Variants in ADAM23 observed in about 807,000 individuals in gnomAD.
ADAM23 encodes ADAM metallopeptidase domain 23.
Under a neutral mutation model 120.1 loss-of-function variants are expected in ADAM23, and 33 were observed. The observed-to-expected ratio is 0.27, with a 90% CI of 0.21 to 0.37. The LOEUF is 0.37. Among genes scored for constraint, ADAM23 ranks in the 10% least tolerant of loss-of-function variants. ADAM23 has a pLI of 1.00. For missense variants in ADAM23, 862 were observed against 1,058.2 expected (o/e 0.81, Z 2.57); for synonymous variants, 367 against 375.2 (o/e 0.98, Z 0.25).
chr2:206,575,440 G>T (rs1328405888), intron 18 of ADAM23, among the ~76,000 whole-genome samples: 2 of 152,132 alleles, frequency 1.3e-5, no homozygotes, highest in African/African-American at 4.8e-5. Flanking sequence ...TGGGTATTTA[G>T]ATTTTGGCAG....
rs1697904325 is a variant in ADAM23, at chr2:206,567,269, A to G, written c.1441A>G (p.Arg481Gly). 8 of 1,614,046 alleles carry G rather than the reference A, an allele frequency of 5.0e-6. No homozygotes were observed. Among genetic ancestry groups the G allele is most frequent in the Non-Finnish European group, 5.9e-6 (7 of 1,179,934 alleles). Residue 481 changes from arginine to glycine, a missense_variant, in exon 15 of 26, where the codon AGA (arginine) becomes GGA (glycine). This residue lies in a region of ADAM23 where 617 missense variants were observed against 813.5 expected (regional missense o/e 0.76). Transcript: ENST00000264377. ...TTCAAAGTGCAGCATTTTGGAGTAT[A>G]GAGACTTTTTACAGAGAGGAGGTGG... ...KFSKCSILEY[R>G]DFLQRGGGAC...
At chr2:206,569,713 A>C (rs1204059318) in intron 15 of ADAM23, among the ~76,000 whole-genome samples, 2 of 152,182 alleles carry the variant, frequency 1.3e-5, no homozygotes. Context: ...GAGATGTGCA[A>C]TGCTGATTTT....
chr2:206,562,980 G>A (rs1008712846), intron 13 of ADAM23, among the ~76,000 whole-genome samples: 1 of 152,130 alleles, frequency 6.6e-6, no homozygotes, highest in Non-Finnish European at 1.5e-5. Flanking sequence ...GTGGGCAAAG[G>A]GTCTAGGGCT....
intron 21 of ADAM23, 85 bp from the exon 22 acceptor site, chr2:206,592,532 T>A: frequency 6.8e-7 from 1 of 1,477,800 alleles, no homozygotes; most frequent in Non-Finnish European, 9.2e-7. Flanking sequence ...TTTTAAAAAT[T>A]TGAATCAATG....
intron 22 of ADAM23, among the ~76,000 whole-genome samples, chr2:206,594,094 A>G (rs751712950): frequency 7.2e-5 from 11 of 151,978 alleles, no homozygotes; most frequent in Non-Finnish European, 1.2e-4. Flanking sequence ...GCAATAGACT[A>G]GACCATCTAG....
At chr2:206,471,619 A>C (rs1174701400) in intron 2 of ADAM23, among the ~76,000 whole-genome samples, 1 of 152,116 alleles carries the variant, frequency 6.6e-6, no homozygotes, top group Non-Finnish European at 1.5e-5. Context: ...CTTTTATTTA[A>C]ATTATTTAGT....
intron 6 of ADAM23, 83 bp from the exon 7 acceptor site, chr2:206,547,346 A>T: frequency 1.9e-6 from 2 of 1,073,508 alleles, no homozygotes; most frequent in Non-Finnish European, 2.7e-6. Context: ...TTTAGGAAGG[A>T]CATTAGAGAA....
intron 3 of ADAM23, among the ~76,000 whole-genome samples, chr2:206,514,595 A>G (rs919028492): frequency 3.3e-5 from 5 of 152,342 alleles, no homozygotes; most frequent in South Asian, 4.1e-4. Flanking sequence ...AGAATATTAC[A>G]TAAACTTGGT....
At chr2:206,543,177 A>G (rs1697328571) in intron 5 of ADAM23, 76 bp from the exon 6 acceptor site, 3 of 1,264,274 alleles carry the variant, frequency 2.4e-6, no homozygotes, top group African/African-American at 1.5e-5. Flanking sequence ...AGACACAATA[A>G]TGAAGCTCAC....
chr2:206,458,808 C>A (rs973793668), intron 2 of ADAM23, among the ~76,000 whole-genome samples: 2 of 152,160 alleles, frequency 1.3e-5, no homozygotes, highest in Non-Finnish European at 2.9e-5. Context: ...CGAAACCAAA[C>A]CTAAGAAATA....
At chr2:206,487,161 A>G (rs1696031109) in intron 3 of ADAM23, among the ~76,000 whole-genome samples, 1 of 152,114 alleles carries the variant, frequency 6.6e-6, no homozygotes, top group Non-Finnish European at 1.5e-5. Flanking sequence ...GTTGACAATG[A>G]ATTATTATTA....
intron 2 of ADAM23, among the ~76,000 whole-genome samples, chr2:206,459,409 G>A (rs1360375021): frequency 1.3e-5 from 2 of 151,986 alleles, no homozygotes; most frequent in Admixed American, 1.3e-4. Flanking sequence ...TGCATTTTAG[G>A]ATTGTTACCC....
At chr2:206,476,641 A>G (rs960079874) in intron 2 of ADAM23, among the ~76,000 whole-genome samples, 1 of 152,160 alleles carries the variant, frequency 6.6e-6, no homozygotes, top group Non-Finnish European at 1.5e-5. Flanking sequence ...CCATCCGTGG[A>G]AAAATTATCT....
intron 10 of ADAM23, 91 bp downstream of exon 10, chr2:206,557,589 AT>A: frequency 8.3e-7 from 1 of 1,202,722 alleles, no homozygotes; most frequent in Non-Finnish European, 1.2e-6. Context: ...TCTTGAACAA[AT>A]TTAAAAACAC....
intron 3 of ADAM23, among the ~76,000 whole-genome samples, chr2:206,504,526 C>T (rs1015714215): frequency 2.0e-5 from 3 of 152,140 alleles, no homozygotes; most frequent in African/African-American, 7.2e-5. Context: ...CTTTTGAAGA[C>T]TCAACTTTGT....
rs113213187 is a variant in ADAM23, at chr2:206,508,062, C to A, written c.510-22823C>A. ...CTTTTTTTTTTGAGACGGAGTCTCG[C>A]TCTGTTTCCCAGGCTGGAGTGCAGT... On this transcript the variant is annotated intron_variant, in intron 3 of 25. Coordinates refer to ENST00000264377, the MANE Select transcript of ADAM23 (RefSeq NM_003812.4). Among the ~76,000 whole-genome samples, 560 of 152,220 alleles carry A rather than the reference C, an allele frequency of 3.7e-3. 1 individual carries two copies. Among genetic ancestry groups the A allele is most frequent in the Non-Finnish European group, 6.5e-3 (439 of 67,998 alleles).
At chr2:206,481,196 G>T (rs755607321) in intron 2 of ADAM23, 36 bp from the exon 3 acceptor site, 6 of 1,528,244 alleles carry the variant, frequency 3.9e-6, no homozygotes, top group Middle Eastern at 3.4e-4. Flanking sequence ...AGACAGGAAA[G>T]TAAGTTAAGG....
chr2:206,617,511 A>G, intron 25 of ADAM23, 68 bp from the exon 26 acceptor site: 4 of 1,501,554 alleles, frequency 2.7e-6, no homozygotes, highest in Middle Eastern at 1.8e-4. Flanking sequence ...CCATTCTGTC[A>G]TCATCATCTG....
intron 3 of ADAM23, among the ~76,000 whole-genome samples, chr2:206,513,754 G>A (rs890508110): frequency 6.6e-6 from 1 of 152,174 alleles, no homozygotes; most frequent in African/African-American, 2.4e-5. Context: ...TGGCTTCGAC[G>A]CTGCAAAGAA....
Sources: gnomAD v4.1 joint callset for allele counts (sites outside exome capture counted in the v4.1 genomes callset) on GRCh38, gnomAD v4.1.1 for gene constraint, gnomAD v4.1.1 regional missense constraint, MANE v1.5 for transcripts, NCBI Gene and HGNC (gene_info 2026-07-23, HGNC 2026-07-21) for gene names.